SLCO3A1: variants seen among roughly 807,000 people sequenced by gnomAD.
The protein encoded by SLCO3A1 is solute carrier organic anion transporter family member 3A1, also known as PGE1 transporter.
Under a neutral mutation model 63.1 loss-of-function variants are expected in SLCO3A1, and 27 were observed. That is an observed-to-expected ratio of 0.43 (90% CI 0.32 to 0.59). SLCO3A1 has a LOEUF of 0.59. Among genes scored for constraint, SLCO3A1 ranks in the 20% least tolerant of loss-of-function variants. SLCO3A1 has a pLI of 0.09. For synonymous variants in SLCO3A1, 473 were observed against 409.9 expected (o/e 1.15, Z -1.86); for missense variants, 773 against 945.8 (o/e 0.82, Z 2.40).
intron 2 of SLCO3A1, among the ~76,000 whole-genome samples, chr15:91,957,808 A>G (rs777002396): frequency 3.3e-5 from 5 of 152,288 alleles, no homozygotes; most frequent in Non-Finnish European, 2.9e-5. Context: ...AATTAGATAT[A>G]TAGTTTCTGT....
intron 4 of SLCO3A1, 56 bp from the exon 5 acceptor site, chr15:92,120,409 A>G: frequency 6.4e-7 from 1 of 1,563,218 alleles, no homozygotes; most frequent in Non-Finnish European, 8.8e-7. Context: ...GAGCTATAAG[A>G]TGGGAGCACA....
intron 2 of SLCO3A1, among the ~76,000 whole-genome samples, chr15:92,061,264 T>C (rs537824079): frequency 6.6e-6 from 1 of 152,330 alleles, no homozygotes; most frequent in South Asian, 2.1e-4. Context: ...GCTGACTGGC[T>C]CATGCCCACA....
chr15:91,937,468 C>T (rs1039325940), intron 2 of SLCO3A1, among the ~76,000 whole-genome samples: 3 of 151,968 alleles, frequency 2.0e-5, no homozygotes, highest in Non-Finnish European at 2.9e-5. Flanking sequence ...ACCTGTAATC[C>T]CAGTACTTCC....
chr15:92,120,500 C>A lies in SLCO3A1; in HGVS notation c.1045C>A (p.Pro349Thr). The A allele has an allele frequency of 6.2e-7, 1 of 1,614,154 alleles. No individual in the cohort carries two copies. Among genetic ancestry groups the A allele is most frequent in the Non-Finnish European group, 8.5e-7 (1 of 1,179,990 alleles). ...PKVTKHLLSN[P>T]VFTCIILAAC... ...GGTCACCAAGCACCTGCTCTCAAACCCTGTGTTCACCTGCATCATCCTGGC... is the reference window on the plus strand; with the variant it reads ...GGTCACCAAGCACCTGCTCTCAAACACTGTGTTCACCTGCATCATCCTGGC... The change falls in exon 5 of 10, where the codon CCT (proline) becomes ACT (threonine). Residue 349 changes from proline to threonine, a missense_variant. Physicochemically the swap from Pro to Thr is conservative, Grantham distance 38. This residue lies in a region of SLCO3A1 where 565 missense variants were observed against 749.8 expected (regional missense o/e 0.75). Transcript: ENST00000318445.
chr15:91,940,609 T>A (rs961001193), intron 2 of SLCO3A1, among the ~76,000 whole-genome samples: 1 of 152,146 alleles, frequency 6.6e-6, no homozygotes, highest in Non-Finnish European at 1.5e-5. Context: ...GCACCACTCA[T>A]CTGGCACCCT....
intron 1 of SLCO3A1, among the ~76,000 whole-genome samples, chr15:91,878,819 A>G (rs1433955349): frequency 2.0e-5 from 3 of 152,232 alleles, no homozygotes; most frequent in Non-Finnish European, 2.9e-5. Context: ...CCTTATGCTT[A>G]AAGAGAGAAA....
chr15:91,994,906 T>C (rs370247189), intron 2 of SLCO3A1, among the ~76,000 whole-genome samples: 10 of 152,024 alleles, frequency 6.6e-5, no homozygotes, highest in African/African-American at 1.7e-4. Context: ...CCTAGGAGAG[T>C]TGTGCCTGGC....
chr15:92,029,845 C>T (rs3896097), intron 2 of SLCO3A1, among the ~76,000 whole-genome samples: 86,532 of 144,956 alleles, frequency 0.6, 26,934 homozygotes, highest in African/African-American at 0.68. Context: ...TTCCGTCTCA[C>T]GTTATGAGAG....
At position 91,912,440 on chromosome 15, in the gene SLCO3A1, A is replaced by T. The variant is rs2151377435; in HGVS notation, c.181-3553A>T. Among the ~76,000 whole-genome samples the T allele has an allele frequency of 6.6e-6, 1 of 152,314 alleles. No homozygotes were observed. Among genetic ancestry groups the T allele is most frequent in the African/African-American group, 2.4e-5 (1 of 41,570 alleles). ...TGTCACCCCTGTGCGTTGCTCTGCA[A>T]AGAGCAGGTGGGAGCCAGGACAAGA... On this transcript the variant is annotated intron_variant, in intron 1 of 9. Transcript: ENST00000318445. The surrounding 1 kb of genome is among the most constrained non-coding windows in gnomAD (Gnocchi z 5.0).
chr15:91,876,252 G>A (rs1467146468), intron 1 of SLCO3A1, among the ~76,000 whole-genome samples: 2 of 152,198 alleles, frequency 1.3e-5, no homozygotes, highest in Admixed American at 6.5e-5. Context: ...CATTTAGTCT[G>A]CCTCTAAAGG....
chr15:92,029,824 T>TTTTTTTTTTTTTTTTTTTTG (rs1555425705), intron 2 of SLCO3A1, among the ~76,000 whole-genome samples: 1 of 150,338 alleles, frequency 6.7e-6, no homozygotes, highest in African/African-American at 2.5e-5. Flanking sequence ...CATACATTTT[T>TTTTTTTTTTTTTTTTTTTTG]AATAGAACTC....
In SLCO3A1 at chr15:92,025,047, A is replaced by C. The variant is rs190153059; in HGVS notation, c.647-69834A>C. Among the ~76,000 whole-genome samples, 4 of 152,020 alleles carry C rather than the reference A, an allele frequency of 2.6e-5. No individual in the cohort carries two copies. In the East Asian group the frequency reaches 5.8e-4, roughly 22 times the overall value. On this transcript the variant is annotated intron_variant, in intron 2 of 9. Transcript: ENST00000318445. ...CATCTGTCTATCCATCCATGCATCT[A>C]TCCATCTATCCATCCTTCCATCCTC... is the stretch of plus-strand genomic sequence containing the variant.
At chr15:91,874,144 G>A (rs1156780758) in intron 1 of SLCO3A1, among the ~76,000 whole-genome samples, 1 of 152,068 alleles carries the variant, frequency 6.6e-6, no homozygotes, top group Non-Finnish European at 1.5e-5. Flanking sequence ...GGCACAGTAA[G>A]ATTAACAACA....
intron 8 of SLCO3A1, among the ~76,000 whole-genome samples, chr15:92,148,078 C>G (rs918052417): frequency 6.6e-6 from 1 of 152,158 alleles, no homozygotes. Flanking sequence ...CGTGTTGGCA[C>G]ATGCTTGTAA....
chr15:92,049,485 C>T (rs980890528), intron 2 of SLCO3A1, among the ~76,000 whole-genome samples: 13 of 152,280 alleles, frequency 8.5e-5, no homozygotes, highest in South Asian at 2.1e-4. Flanking sequence ...ACCATGGCAA[C>T]GGAGGCCAAT....
chr15:92,058,156 AGAGTGTGT>A (rs2151503401), intron 2 of SLCO3A1, among the ~76,000 whole-genome samples: 1 of 151,466 alleles, frequency 6.6e-6, no homozygotes, highest in Admixed American at 6.6e-5. Context: ...TATAAGCGTG[AGAGTGTGT>A]GAGTGTGTGT....
intron 4 of SLCO3A1, among the ~76,000 whole-genome samples, chr15:92,119,715 A>G (rs1400463092): frequency 6.6e-6 from 1 of 152,210 alleles, no homozygotes; most frequent in Non-Finnish European, 1.5e-5. Flanking sequence ...ACCTCGGGCC[A>G]TGGCACAGCC....
At chr15:92,113,741 C>T (rs2047757954) in intron 4 of SLCO3A1, among the ~76,000 whole-genome samples, 1 of 152,174 alleles carries the variant, frequency 6.6e-6, no homozygotes, top group South Asian at 2.1e-4. Flanking sequence ...TTAGAAGACT[C>T]CCAGACACTG....
At chr15:91,871,765 G>GTTTTTTTTTTTTTTTTTTTTTTTTGT (rs33938693) in intron 1 of SLCO3A1, among the ~76,000 whole-genome samples, 1 of 45,684 alleles carries the variant, frequency 2.2e-5, no homozygotes, top group Non-Finnish European at 3.8e-5. Flanking sequence ...TTTTTTTTTG[G>GTTTTTTTTTTTTTTTTTTTTTTTTGT]TTTTTTTTTT....
Sources: allele counts gnomAD v4.1 joint callset (sites outside exome capture counted in the v4.1 genomes callset), GRCh38; gene constraint gnomAD v4.1.1; regional missense constraint gnomAD v4.1.1; non-coding constraint Gnocchi (gnomAD v3.1); transcripts MANE v1.5; gene names NCBI Gene and HGNC (gene_info 2026-07-23, HGNC 2026-07-21).